Variants in MICOS10 observed in about 807,000 individuals in gnomAD.
MICOS10 encodes mitochondrial contact site and cristae organizing system subunit 10.
Under a neutral mutation model 13.4 loss-of-function variants are expected in MICOS10, and 5 were observed. The observed-to-expected ratio is 0.37, with a 90% confidence interval of 0.20 to 0.78. The LOEUF is 0.78. Among genes scored for constraint, MICOS10 ranks in the 30% least tolerant of loss-of-function variants. MICOS10 has a pLI of 0.47. For synonymous variants in MICOS10, 35 were observed against 33.6 expected (o/e 1.04, Z -0.15); for missense variants, 101 against 94.6 (o/e 1.07, Z -0.28).
At chr1:19,608,110 A>G (rs756651166) in intron 1 of MICOS10, 9 of 1,034,168 alleles carry the variant, frequency 8.7e-6, no homozygotes, top group Admixed American at 5.1e-5. Flanking sequence ...GACGACGTGC[A>G]GAAATGGCAC....
At position 19,629,025 on chromosome 1, in the gene MICOS10, A is replaced by G. The variant is rs2094930604; in HGVS notation, c.*2624A>G. The G allele has an allele frequency of 6.6e-6, 1 of 152,296 alleles. No individual in the cohort carries two copies. The highest frequency in any genetic ancestry group is 6.5e-5 in the Admixed American group (1 of 15,288). 9.4% of individuals were successfully genotyped at this position (152,296 alleles called of 1,614,324 possible). ...CTGGCCAGTTGCTTTAGTTCTAGAT[A>G]GCTTTGTATTCCCGCCTTGTTGCCC... On this transcript the variant is annotated 3_prime_UTR_variant, in exon 4 of 4. Transcript: ENST00000322753.
chr1:19,612,300 C>G (rs1464234913), intron 1 of MICOS10, among the ~76,000 whole-genome samples: 1 of 151,610 alleles, frequency 6.6e-6, no homozygotes, highest in African/African-American at 2.4e-5. Context: ...TCGTGATCCG[C>G]CTGCCTCAGC....
intron 1 of MICOS10, chr1:19,601,307 A>G (rs2094813966): frequency 7.0e-6 from 2 of 284,462 alleles, no homozygotes; most frequent in East Asian, 1.7e-4. Flanking sequence ...GGCCAGGCAC[A>G]GTGGCTCATG....
intron 1 of MICOS10, among the ~76,000 whole-genome samples, chr1:19,602,096 T>A (rs2094817371): frequency 6.6e-6 from 1 of 152,244 alleles, no homozygotes; most frequent in African/African-American, 2.4e-5. Context: ...AATTGGTTTC[T>A]TTACTTGATT....
In MICOS10 at chr1:19,629,357, C is replaced by G. The variant is rs1207153753; in HGVS notation, c.*2956C>G. 1 of 152,264 alleles carries G rather than the reference C, an allele frequency of 6.6e-6. No individual in the cohort carries two copies. Among genetic ancestry groups the G allele is most frequent in the Non-Finnish European group, 1.5e-5 (1 of 68,068 alleles). The allele number at this position is 152,264 out of a possible 1,614,324, so 9.4% of individuals were successfully genotyped here. On this transcript the variant is annotated 3_prime_UTR_variant, in exon 4 of 4. Transcript: ENST00000322753. ...TGTGGCGCCCCAAAAGTGGCCTGCTCTGCCAACATACATAAATACATACAG... is the reference window on the plus strand; with the variant it reads ...TGTGGCGCCCCAAAAGTGGCCTGCTGTGCCAACATACATAAATACATACAG...
At chr1:19,619,589 C>T (rs2094896225) in intron 1 of MICOS10, among the ~76,000 whole-genome samples, 1 of 152,150 alleles carries the variant, frequency 6.6e-6, no homozygotes, top group South Asian at 2.1e-4. Context: ...TGTATCTGAT[C>T]AGTATTGTAT....
chr1:19,610,502 C>T (rs1289881555), intron 1 of MICOS10, among the ~76,000 whole-genome samples: 1 of 149,526 alleles, frequency 6.7e-6, no homozygotes, highest in Non-Finnish European at 1.5e-5. Flanking sequence ...CCTCAGCCTC[C>T]TGAGCAGCTG....
At chr1:19,613,680 G>A (rs1315389737) in intron 1 of MICOS10, among the ~76,000 whole-genome samples, 2 of 152,344 alleles carry the variant, frequency 1.3e-5, no homozygotes, top group African/African-American at 4.8e-5. Flanking sequence ...TGGGTACACG[G>A]TTTGTATAAC....
chr1:19,620,911 T>C (rs531457950), intron 1 of MICOS10, among the ~76,000 whole-genome samples: 142 of 152,342 alleles, frequency 9.3e-4, no homozygotes, highest in African/African-American at 3.3e-3. Flanking sequence ...ATATTTTCCT[T>C]TGGGGCTTTT....
chr1:19,606,228 A>G (rs1454674747), intron 1 of MICOS10, among the ~76,000 whole-genome samples: 1 of 152,156 alleles, frequency 6.6e-6, no homozygotes, highest in Non-Finnish European at 1.5e-5. Context: ...CAGGAGTGGG[A>G]GGAGTCAGGT....
intron 1 of MICOS10, among the ~76,000 whole-genome samples, chr1:19,621,410 A>C (rs2094902803): frequency 6.6e-6 from 1 of 152,206 alleles, no homozygotes. Flanking sequence ...TTGACATTCC[A>C]ATTTCCCTTG....
chr1:19,624,904 A>T (rs566442427), intron 3 of MICOS10, among the ~76,000 whole-genome samples: 1 of 152,360 alleles, frequency 6.6e-6, no homozygotes, highest in South Asian at 2.1e-4. Context: ...CCTTTGTAGC[A>T]GCACAATTTT....
Position 19,620,072 on chromosome 1 carries a change from G to A in MICOS10, c.65-2028G>A, listed in dbSNP as rs960180477. ...TGTTAAATATTTGCTTCCAGGGAAG[G>A]TGAAAAATGCTTTGTACTTTTTCCT... On this transcript the variant is annotated intron_variant, in intron 1 of 3. Transcript: ENST00000322753. Among the ~76,000 whole-genome samples, 4 of 152,336 alleles carry A rather than the reference G, an allele frequency of 2.6e-5. No homozygotes were observed. The South Asian group carries it at 6.2e-4, about 24-fold the overall frequency.
At chr1:19,607,242 A>C (rs992489989) in intron 1 of MICOS10, among the ~76,000 whole-genome samples, 2 of 152,248 alleles carry the variant, frequency 1.3e-5, no homozygotes, top group Non-Finnish European at 2.9e-5. Context: ...AATGTGAATA[A>C]TGGAACATTG....
rs533840638 is a variant in MICOS10 at position 19,628,680 on chromosome 1, C to CAAAAAAAAAAAAAAAAAAAAAAAAA, written c.*2300_*2301insAAAAAAAAAAAAAAAAAAAAAAAAA. ...CCGGCGACAGAGCGAGAATCTGTCT[C>CAAAAAAAAAAAAAAAAAAAAAAAAA]AAAAAAAAAAAAAAAAAAAAAGCAT... On this transcript the variant is annotated 3_prime_UTR_variant, in exon 4 of 4. Transcript: ENST00000322753. 1 of 63,296 alleles carries CAAAAAAAAAAAAAAAAAAAAAAAAA rather than the reference C, an allele frequency of 1.6e-5. No homozygotes were observed. The highest frequency in any genetic ancestry group is 3.2e-5 in the Non-Finnish European group (1 of 30,934). 3.9% of individuals were successfully genotyped at this position (63,296 alleles called of 1,614,324 possible). A position where few individuals can be genotyped will look rare whatever the true frequency, so the allele number is the denominator to read the frequency against.
rs1477779082 is a variant in MICOS10 at position 19,628,778 on chromosome 1, A to G, written c.*2377A>G. On this transcript the variant is annotated 3_prime_UTR_variant, in exon 4 of 4. Coordinates refer to ENST00000322753, the MANE Select transcript of MICOS10 (RefSeq NM_001032363.4). Reference sequence around the variant, plus strand: ...AGAGAAGAATAACATGCCCCCTTCCAAAAAAGACAAAACACAAGGTAGCCA... The same window carrying G: ...AGAGAAGAATAACATGCCCCCTTCCGAAAAAGACAAAACACAAGGTAGCCA... The G allele has an allele frequency of 7.9e-5, 12 of 151,860 alleles. No individual in the cohort carries two copies. The highest frequency in any genetic ancestry group is 1.5e-5 in the Non-Finnish European group (1 of 67,982). The allele number at this position is 151,860 out of a possible 1,614,324, so 9.4% of individuals were successfully genotyped here.
chr1:19,608,741 A>T, intron 1 of MICOS10: 1 of 524,722 alleles, frequency 1.9e-6, no homozygotes, highest in Non-Finnish European at 3.4e-6. Flanking sequence ...GATAAAAATT[A>T]AAAACTTTTG....
In MICOS10 at chr1:19,597,097, G is replaced by A. The variant is rs1231209557; in HGVS notation, c.52G>A (p.Val18Ile). Residue 18 changes from valine to isoleucine, a missense_variant, in exon 1 of 4, where the codon GTC becomes ATC. Val to Ile is a conservative substitution (Grantham distance 29, BLOSUM62 3). Coordinates refer to ENST00000322753, the MANE Select transcript of MICOS10 (RefSeq NM_001032363.4). The stretch of plus-strand genomic sequence containing the variant: ...GTGGGACCGGTGTCTGGCGGATGCG[G>A]TCGTGAAGATAGGTAAGGGGCTTTT... ...RKWDRCLADAVVKIGTGFGLG... is the reference protein window; with the variant it reads ...RKWDRCLADAIVKIGTGFGLG... The A allele has an allele frequency of 6.2e-7, 1 of 1,601,394 alleles. No individual in the cohort carries two copies. Among genetic ancestry groups the A allele is most frequent in the Admixed American group, 1.7e-5 (1 of 58,344 alleles).
chr1:19,619,546 C>A (rs1189382598), intron 1 of MICOS10, among the ~76,000 whole-genome samples: 2 of 152,254 alleles, frequency 1.3e-5, no homozygotes, highest in South Asian at 4.1e-4. Flanking sequence ...GTTGTAAAAT[C>A]CTCTTAGGCA....
Sources: gnomAD v4.1 joint callset for allele counts (sites outside exome capture counted in the v4.1 genomes callset) on GRCh38, gnomAD v4.1.1 for gene constraint, MANE v1.5 for transcripts, NCBI Gene and HGNC (gene_info 2026-07-23, HGNC 2026-07-21) for gene names.